Variants in PIWIL2 observed in about 807,000 individuals in gnomAD.
The protein encoded by PIWIL2 is piwi-like protein 2.
Under a neutral mutation model 116.5 loss-of-function variants are expected in PIWIL2, and 81 were observed. That is an observed-to-expected ratio of 0.70 (90% CI 0.58 to 0.84). PIWIL2 has a LOEUF of 0.84. Ranked by LOEUF, PIWIL2 falls within the 40% of genes least tolerant of loss-of-function variation. The pLI is 0.00. For synonymous variants in PIWIL2, 489 were observed against 429.5 expected (o/e 1.14, Z -1.71); for missense variants, 1,272 against 1,212.3 (o/e 1.05, Z -0.73).
intron 1 of PIWIL2, among the ~76,000 whole-genome samples, chr8:22,277,037 T>A (rs954914108): frequency 2.4e-4 from 37 of 151,880 alleles, no homozygotes; most frequent in Middle Eastern, 3.4e-3. Context: ...ATATATATTT[T>A]TTTTTTTGAG....
intron 5 of PIWIL2, 66 bp from the exon 6 acceptor site, chr8:22,284,096 G>C (rs954865889): frequency 2.6e-6 from 2 of 754,952 alleles, no homozygotes; most frequent in Admixed American, 5.2e-5. Flanking sequence ...TGGTTGTGTG[G>C]GTTGGTTAGT....
Position 22,304,070 on chromosome 8 carries a change from A to G in PIWIL2, c.1231A>G (p.Lys411Glu), listed in dbSNP as rs2132030022. Residue 411 changes from lysine (K) to glutamate (E), a missense_variant, in exon 11 of 23, where the codon AAG becomes GAG. Physicochemically the swap from Lys to Glu is moderately conservative, Grantham distance 56. Coordinates refer to ENST00000356766, the MANE Select transcript of PIWIL2 (RefSeq NM_018068.5). ...AGAACACTTCCAGGATGAGTGTACT[A>G]AGCTTCTGGTTGGCAATATTGTTAT... ...NKEHFQDECTKLLVGNIVITR... is the reference protein window; with the variant it reads ...NKEHFQDECTELLVGNIVITR... 1.2e-6 allele frequency: 2 copies of G among 1,613,536 alleles called. No homozygotes were observed. Among genetic ancestry groups the G allele is most frequent in the East Asian group, 2.2e-5 (1 of 44,888 alleles).
chr8:22,275,444 C>T (rs2131966138), intron 1 of PIWIL2, 46 bp downstream of exon 1: 1 of 152,740 alleles, frequency 6.5e-6, no homozygotes, highest in East Asian at 1.9e-4. Flanking sequence ...GCCAGGGTCG[C>T]TCGGGGGCGG....
chr8:22,350,216 A>G (rs1475560021), intron 20 of PIWIL2, among the ~76,000 whole-genome samples: 2 of 152,206 alleles, frequency 1.3e-5, no homozygotes, highest in South Asian at 2.1e-4. Flanking sequence ...CCACCAGACT[A>G]TATCTTGTTG....
intron 20 of PIWIL2, among the ~76,000 whole-genome samples, chr8:22,352,334 G>A (rs1030117616): frequency 5.9e-5 from 9 of 152,230 alleles, no homozygotes; most frequent in Admixed American, 1.3e-4. Context: ...CTTCAAGCAA[G>A]CATTTAATTT....
chr8:22,332,626 TATGGACTAATAGCTAAC>T (rs1402438587), intron 20 of PIWIL2, among the ~76,000 whole-genome samples: 6 of 152,104 alleles, frequency 3.9e-5, no homozygotes, highest in African/African-American at 1.4e-4. Context: ...AAAGGATCAA[TATGGACTAATAGCTAAC>T]ATCAAAATAA....
In PIWIL2 at chr8:22,314,361, G is replaced by A; in HGVS notation, c.2023G>A (p.Gly675Ser). 1 of 1,578,492 alleles carries A rather than the reference G, an allele frequency of 6.3e-7. No homozygotes were observed. The highest frequency in any genetic ancestry group is 1.2e-5 in the South Asian group (1 of 85,458). ...ACAGATGGTTGTTTGCATCATCATGGGCCCACGTGATGATCTCTATGGGGC... is the reference window on the plus strand; with the variant it reads ...ACAGATGGTTGTTTGCATCATCATGAGCCCACGTGATGATCTCTATGGGGC... Reference protein sequence around the residue: ...KIQMVVCIIMGPRDDLYGAIK... With the variant: ...KIQMVVCIIMSPRDDLYGAIK... Residue 675 changes from glycine to serine, a missense_variant, in exon 17 of 23, where the codon GGC (glycine) becomes AGC (serine). Transcript: ENST00000356766.
chr8:22,284,057 A>C, intron 5 of PIWIL2, 105 bp from the exon 6 acceptor site: 1 of 589,196 alleles, frequency 1.7e-6, no homozygotes, highest in Non-Finnish European at 2.9e-6. Context: ...AATGTGAAAA[A>C]ATGTTACTTC....
chr8:22,306,163 T>C, intron 13 of PIWIL2, 147 bp downstream of exon 13: 1 of 628,002 alleles, frequency 1.6e-6, no homozygotes, highest in Non-Finnish European at 2.9e-6. Flanking sequence ...GCCTCCAGTT[T>C]TCTCCTCTGT....
chr8:22,305,452 A>G (rs1034929516), intron 12 of PIWIL2, among the ~76,000 whole-genome samples: 3 of 152,066 alleles, frequency 2.0e-5, no homozygotes, highest in African/African-American at 4.8e-5. Context: ...TCGGCCTCCT[A>G]AAGTGCTGGG....
chr8:22,320,747 C>T (rs1212802563), intron 20 of PIWIL2, among the ~76,000 whole-genome samples: 3 of 152,118 alleles, frequency 2.0e-5, no homozygotes, highest in South Asian at 2.1e-4. Flanking sequence ...CCCGCCACCA[C>T]GCCTGGCTAA....
intron 22 of PIWIL2, among the ~76,000 whole-genome samples, chr8:22,354,850 A>G (rs1832454212): frequency 6.6e-6 from 1 of 152,190 alleles, no homozygotes; most frequent in African/African-American, 2.4e-5. Flanking sequence ...CAGGCGGATC[A>G]CCTGAGGCCA....
chr8:22,289,236 T>C (rs957110968), intron 8 of PIWIL2, among the ~76,000 whole-genome samples: 2 of 148,768 alleles, frequency 1.3e-5, no homozygotes, highest in African/African-American at 4.9e-5. Flanking sequence ...CACTGCAACC[T>C]CCGACTCCCT....
chr8:22,343,394 C>CAT (rs1451228342), intron 20 of PIWIL2, among the ~76,000 whole-genome samples: 1 of 151,754 alleles, frequency 6.6e-6, no homozygotes, highest in East Asian at 1.9e-4. Flanking sequence ...GAGATTGTGC[C>CAT]ATTGCACTCC....
At chr8:22,330,920 A>G (rs959752929) in intron 20 of PIWIL2, among the ~76,000 whole-genome samples, 3 of 152,080 alleles carry the variant, frequency 2.0e-5, no homozygotes, top group South Asian at 2.1e-4. Flanking sequence ...CACGCCTGTA[A>G]TCCCAGCACT....
chr8:22,293,452 G>A (rs1830811854), intron 10 of PIWIL2, among the ~76,000 whole-genome samples: 1 of 152,084 alleles, frequency 6.6e-6, no homozygotes, highest in Non-Finnish European at 1.5e-5. Context: ...TGATTCTCCT[G>A]CCTCAGGCCT....
At position 22,305,982 on chromosome 8, in the gene PIWIL2, C is replaced by G; in HGVS notation, c.1511C>G (p.Pro504Arg). The change falls in exon 13 of 23, where the codon CCA becomes CGA. Residue 504 changes from proline to arginine, a missense_variant. Physicochemically the swap from Pro to Arg is moderately radical, Grantham distance 103 (BLOSUM62 -2). Transcript: ENST00000356766. ...LPELSFMTGI[P>R]EKMKKDFRAM... ...GAGCTTTCTTTTATGACCGGAATCCCAGAGAAGATGAAGAAGGACTTCAGA... is the reference window on the plus strand; with the variant it reads ...GAGCTTTCTTTTATGACCGGAATCCGAGAGAAGATGAAGAAGGACTTCAGA... 6.2e-7 allele frequency: 1 copy of G among 1,613,954 alleles called. No homozygotes were observed. The highest frequency in any genetic ancestry group is 8.5e-7 in the Non-Finnish European group (1 of 1,179,866).
intron 20 of PIWIL2, among the ~76,000 whole-genome samples, chr8:22,345,157 C>A (rs539735741): frequency 6.6e-6 from 1 of 152,106 alleles, no homozygotes; most frequent in African/African-American, 2.4e-5. Flanking sequence ...CCACAATACT[C>A]CAGCCAGGGC....
intron 10 of PIWIL2, among the ~76,000 whole-genome samples, chr8:22,296,745 T>C (rs1830916586): frequency 6.6e-6 from 1 of 152,214 alleles, no homozygotes; most frequent in Non-Finnish European, 1.5e-5. Flanking sequence ...TACTGTTGTC[T>C]TCTGAAATTT....
Sources: allele counts gnomAD v4.1 joint callset (sites outside exome capture counted in the v4.1 genomes callset), GRCh38; gene constraint gnomAD v4.1.1; transcripts MANE v1.5; gene names NCBI Gene and HGNC (gene_info 2026-07-23, HGNC 2026-07-21).